MEIOB: variants seen among roughly 807,000 people sequenced by gnomAD.
The protein encoded by MEIOB is meiosis-specific with OB domain-containing protein.
Under a neutral mutation model 53.1 loss-of-function variants are expected in MEIOB, and 50 were observed. That is an observed-to-expected ratio of 0.94 (90% confidence interval 0.75 to 1.19). The LOEUF (loss-of-function observed/expected upper bound fraction) is 1.19. Ranked by LOEUF, MEIOB falls within the 50% of genes most tolerant of loss-of-function variation. The pLI, the probability that MEIOB is intolerant of heterozygous loss-of-function variation, is 0.00. For missense variants in MEIOB, 551 were observed against 550.8 expected (o/e 1.00, Z 0.00); for synonymous variants, 192 against 182.5 (o/e 1.05, Z -0.42).
At position 1,868,161 on chromosome 16, in the gene MEIOB, A is replaced by C; in HGVS notation, c.15T>G (p.Phe5Leu). 6.5e-7 allele frequency: 1 copy of C among 1,530,128 alleles called. No homozygotes were observed. The highest frequency in any genetic ancestry group is 1.7e-4 in the Middle Eastern group (1 of 5,910). The allele number at this position is 1,530,128 out of a possible 1,614,324, so 94.8% of individuals were successfully genotyped here. The change falls in exon 2 of 14, where the codon TTT becomes TTG. Residue 5 changes from phenylalanine (F) to leucine (L), a missense_variant. Physicochemically the swap from Phe to Leu is conservative, Grantham distance 22. Transcript: ENST00000325962. MANS[F>L]AARIFTTLSD... ...AAAGGGTAGTGAAAATCCTCGCTGC[A>C]AAGGAGTTTGCCATTTTTTTAATCT...
rs1898676329 is a variant in MEIOB, at chr16:1,834,173, C to T, written c.*83G>A. On this transcript the variant is annotated 3_prime_UTR_variant, in exon 14 of 14. Transcript: ENST00000325962. Reference sequence around the variant, plus strand: ...CCACATGTAAACAAAATGCAATTTTCCCCATAATTTTCAAATTAATATTCC... The same window carrying T: ...CCACATGTAAACAAAATGCAATTTTTCCCATAATTTTCAAATTAATATTCC... The T allele has an allele frequency of 1.4e-6, 1 of 734,222 alleles. No individual in the cohort carries two copies. Among genetic ancestry groups the T allele is most frequent in the African/African-American group, 1.8e-5 (1 of 55,752 alleles). The allele number at this position is 734,222 out of a possible 1,614,324, so 45.5% of individuals were successfully genotyped here.
chr16:1,857,887 CTT>C lies in MEIOB; in HGVS notation c.374_375del (p.Lys125SerfsTer6). 1.3e-6 allele frequency: 2 copies of C among 1,551,012 alleles called. No homozygotes were observed. The highest frequency in any genetic ancestry group is 1.7e-6 in the Non-Finnish European group (2 of 1,146,668). ...GTGTCCACTTCATAACTGGAACAAA[CTT>C]TTACTGTTGAGTGATTCTCACTGAG... ...LLLSENHSTV[K>X]VCSSYEVDTK... On this transcript the variant is annotated frameshift_variant, in exon 6 of 14. Transcript: ENST00000325962. LOFTEE classifies it high-confidence loss of function.
chr16:1,861,200 C>T (rs380249), intron 4 of MEIOB, among the ~76,000 whole-genome samples: 125,577 of 152,142 alleles, frequency 0.83, 51,947 homozygotes, highest in Middle Eastern at 0.9. Context: ...TCCTGTTCTT[C>T]CTACTATATG....
In MEIOB at chr16:1,857,587, G is replaced by C. The variant is rs962942915; in HGVS notation, c.528+148C>G. 5 of 584,562 alleles carry C rather than the reference G, an allele frequency of 8.6e-6. No individual in the cohort carries two copies. The African/African-American group carries it at 9.5e-5, about 11-fold the overall frequency. 36.2% of individuals were successfully genotyped at this position (584,562 alleles called of 1,614,324 possible). A position where few individuals can be genotyped will look rare whatever the true frequency, so the allele number is the denominator to read the frequency against. On this transcript the variant is annotated intron_variant, in intron 6 of 13. Transcript: ENST00000325962. The stretch of plus-strand genomic sequence containing the variant: ...AAAGCTAGTTTCCCTTTAATGAGAA[G>C]TGTTACTGTTTTCTTAATTCAGCAT...
chr16:1,841,387 A>G (rs532778847), intron 11 of MEIOB, among the ~76,000 whole-genome samples: 1 of 152,152 alleles, frequency 6.6e-6, no homozygotes, highest in African/African-American at 2.4e-5. Context: ...CCTAGGCTGG[A>G]CTCAAACTCT....
At chr16:1,864,052 G>T (rs1899523508) in intron 3 of MEIOB, among the ~76,000 whole-genome samples, 2 of 152,188 alleles carry the variant, frequency 1.3e-5, no homozygotes, top group South Asian at 4.1e-4. Context: ...TACATGCGAG[G>T]CTGAGGCAGG....
chr16:1,864,709 A>G (rs1899541051), intron 3 of MEIOB, among the ~76,000 whole-genome samples: 1 of 151,962 alleles, frequency 6.6e-6, no homozygotes, highest in Non-Finnish European at 1.5e-5. Context: ...GCTGGTCCCA[A>G]ACTCCTGACC....
At position 1,846,883 on chromosome 16, in the gene MEIOB, G is replaced by A. The variant is rs3952979; in HGVS notation, c.779-1920C>T. On this transcript the variant is annotated intron_variant, in intron 9 of 13. Coordinates refer to ENST00000325962, the MANE Select transcript of MEIOB (RefSeq NM_001163560.3). ...TTAAAACCTAGATGATGGGCTGGGC[G>A]TGGTGGTTCACGCCTATAATCCCAG... Among the ~76,000 whole-genome samples, 888 of 152,304 alleles carry A rather than the reference G, an allele frequency of 5.8e-3. 31 individuals carry two copies. In the East Asian group the frequency reaches 0.11, roughly 18 times the overall value.
chr16:1,870,893 C>T (rs574217236), intron 1 of MEIOB, among the ~76,000 whole-genome samples: 60 of 152,186 alleles, frequency 3.9e-4, no homozygotes, highest in Non-Finnish European at 8.2e-4. Context: ...ACATGTGAGT[C>T]GAGAGGATGA....
At chr16:1,840,165 A>G (rs964005308) in intron 11 of MEIOB, 6 of 152,334 alleles carry the variant, frequency 3.9e-5, no homozygotes, top group Admixed American at 1.3e-4. Flanking sequence ...CAAATTTTAG[A>G]TGCTTTTCCT....
At chr16:1,871,465 C>T (rs961325218) in intron 1 of MEIOB, among the ~76,000 whole-genome samples, 1 of 140,172 alleles carries the variant, frequency 7.1e-6, no homozygotes, top group East Asian at 2.1e-4. Context: ...GTGATCCACC[C>T]GCCTCGGCCT....
chr16:1,842,650 A>T (rs1302157765), intron 10 of MEIOB, among the ~76,000 whole-genome samples: 6 of 146,016 alleles, frequency 4.1e-5, no homozygotes, highest in Admixed American at 2.1e-4. Context: ...GATTTTTTTT[A>T]TTATTATTTT....
chr16:1,835,856 CT>C (rs1331945968), intron 13 of MEIOB, among the ~76,000 whole-genome samples: 1 of 134,044 alleles, frequency 7.5e-6, no homozygotes, highest in Non-Finnish European at 1.6e-5. Context: ...CTTCCAATTC[CT>C]TTTTCTTTTT....
chr16:1,864,679 G>T, intron 3 of MEIOB, among the ~76,000 whole-genome samples: 1 of 151,690 alleles, frequency 6.6e-6, no homozygotes, highest in Non-Finnish European at 1.5e-5. Flanking sequence ...GTAGAGAGGG[G>T]GTTTCTACAT....
chr16:1,854,094 G>A lies in MEIOB; in HGVS notation c.629+6C>T. On this transcript the variant is annotated splice_donor_region_variant and intron_variant, in intron 7 of 13. Transcript: ENST00000325962. ...TTCACAGTTTGGAACAGACATCGGTGTTTACCATGTCATCGCAAAAGACGA... is the reference window on the plus strand; with the variant it reads ...TTCACAGTTTGGAACAGACATCGGTATTTACCATGTCATCGCAAAAGACGA... 12 of 1,517,032 alleles carry A rather than the reference G, an allele frequency of 7.9e-6. No homozygotes were observed. Among genetic ancestry groups the A allele is most frequent in the Non-Finnish European group, 1.1e-5 (12 of 1,115,994 alleles). The allele number at this position is 1,517,032 out of a possible 1,614,324, so 94.0% of individuals were successfully genotyped here.
chr16:1,842,366 G>A (rs1274411236), intron 10 of MEIOB, among the ~76,000 whole-genome samples: 1 of 150,658 alleles, frequency 6.6e-6, no homozygotes, highest in African/African-American at 2.4e-5. Flanking sequence ...TGTAATCCCA[G>A]CAATTTGGGA....
At chr16:1,867,542 C>A (rs796863148) in intron 2 of MEIOB, among the ~76,000 whole-genome samples, 6 of 142,112 alleles carry the variant, frequency 4.2e-5, no homozygotes, top group African/African-American at 1.6e-4. Flanking sequence ...ATGGTGCGAT[C>A]TCGGCTCACT....
Position 1,841,811 on chromosome 16 carries a change from G to T in MEIOB, c.1034+9C>A. ...AAATGAATTTGCTAAAAGTGACACGGATCCTTACCATCTATTTCGAACTAC... is the reference window on the plus strand; with the variant it reads ...AAATGAATTTGCTAAAAGTGACACGTATCCTTACCATCTATTTCGAACTAC... On this transcript the variant is annotated intron_variant, in intron 11 of 13. Transcript: ENST00000325962. 1 of 1,536,780 alleles carries T rather than the reference G, an allele frequency of 6.5e-7. No homozygotes were observed. Among genetic ancestry groups the T allele is most frequent in the Non-Finnish European group, 8.8e-7 (1 of 1,141,846 alleles).
rs1899457906 is a variant in MEIOB, at chr16:1,862,081, T to C, written c.163A>G (p.Ile55Val). The change falls in exon 4 of 14, where the codon ATT becomes GTT. Residue 55 changes from isoleucine to valine, a missense_variant. By Grantham distance (29) the Ile-to-Val change is conservative. Transcript: ENST00000325962. The stretch of plus-strand genomic sequence containing the variant: ...ACAAAATGTGCTGGTGAATCCCGAA[T>C]GGTGAAGCTGAAAGTGTACCTTTCT... ...GSERYTFSFT[I>V]RDSPAHFVNA... is the part of the protein sequence containing the mutation. The C allele has an allele frequency of 6.4e-7, 1 of 1,551,280 alleles. No individual in the cohort carries two copies. The highest frequency in any genetic ancestry group is 1.2e-5 in the South Asian group (1 of 84,056).
Sources: allele counts gnomAD v4.1 joint callset (sites outside exome capture counted in the v4.1 genomes callset), GRCh38; gene constraint gnomAD v4.1.1; transcripts MANE v1.5; gene names NCBI Gene and HGNC (gene_info 2026-07-23, HGNC 2026-07-21).